The following XKR5 variants were observed in gnomAD, a reference collection of about 807,000 sequenced individuals.
The protein encoded by XKR5 is XK-related protein 5.
XKR5 carries 46 observed loss-of-function variants against 40.8 expected under a neutral mutation model. That is an observed-to-expected ratio of 1.13 (90% CI 0.89 to 1.44). The LOEUF (loss-of-function observed/expected upper bound fraction) is 1.44, where lower values mean the gene tolerates loss of function less well. XKR5 is among the 40% of genes most tolerant of loss of function. The probability of loss-of-function intolerance (pLI) is 0.00; values close to 1 mark genes in which losing one functional copy is unlikely to be tolerated. For missense variants in XKR5, 1,169 were observed against 844.7 expected, an observed-to-expected ratio of 1.38 and a Z score of -4.76; for synonymous variants, 466 against 356.1, an observed-to-expected ratio of 1.31 and a Z score of -3.48.
intron 2 of XKR5, among the ~76,000 whole-genome samples, chr8:6,832,154 A>G (rs1227825669): frequency 1.3e-5 from 2 of 152,166 alleles, no homozygotes; most frequent in Non-Finnish European, 2.9e-5. Context: ...CTCAAAGTAG[A>G]AAAAAATCAG....
intron 2 of XKR5, among the ~76,000 whole-genome samples, chr8:6,827,755 T>C (rs1230424974): frequency 2.0e-5 from 3 of 152,214 alleles, no homozygotes; most frequent in African/African-American, 4.8e-5. Flanking sequence ...CATGCATTTT[T>C]CTTGGGCTTT....
chr8:6,827,040 T>C (rs1804520122), intron 2 of XKR5, among the ~76,000 whole-genome samples: 1 of 152,152 alleles, frequency 6.6e-6, no homozygotes, highest in African/African-American at 2.4e-5. Flanking sequence ...AAACTTCATC[T>C]CATAAGTAGA....
chr8:6,823,494 G>C, intron 4 of XKR5, 27 bp downstream of exon 4: 1 of 1,561,072 alleles, frequency 6.4e-7, no homozygotes, highest in African/African-American at 1.4e-5. Flanking sequence ...TGCAGCAACA[G>C]ATGACCAGAT....
At position 6,815,833 on chromosome 8, in the gene XKR5, G is replaced by T. The variant is rs755535023; in HGVS notation, c.893C>A (p.Ala298Asp). 3.1e-6 allele frequency: 5 copies of T among 1,604,532 alleles called. No homozygotes were observed. The highest frequency in any genetic ancestry group is 2.6e-6 in the Non-Finnish European group (3 of 1,175,556). Reference protein sequence around the residue: ...GASWTSLQTIAGVLSGFLIGS... With the variant: ...GASWTSLQTIDGVLSGFLIGS... ...AATCAGAAATCCAGACAGGACCCCA[G>T]CTATGGTCTGCAGGCTGGTCCACGA... The change falls in exon 6 of 7, where the codon GCT becomes GAT. Residue 298 changes from alanine (A) to aspartate (D), a missense_variant. Coordinates refer to ENST00000618742, the MANE Select transcript of XKR5 (RefSeq NM_207411.5).
rs1055788077 is a variant in XKR5 at position 6,810,835 on chromosome 8, A to G, written c.*363T>C. On this transcript the variant is annotated 3_prime_UTR_variant, in exon 7 of 7. Coordinates refer to ENST00000618742, the MANE Select transcript of XKR5 (RefSeq NM_207411.5). ...GTGAGGCAAAGCTAATTGTAACAAG[A>G]ACCTCAAATAAAATAGGAATCTGGG... 1.7e-5 allele frequency: 3 copies of G among 178,082 alleles called. No homozygotes were observed. Among genetic ancestry groups the G allele is most frequent in the Admixed American group, 5.6e-5 (1 of 17,848 alleles). 11.0% of individuals were successfully genotyped at this position (178,082 alleles called of 1,614,324 possible).
At position 6,811,250 on chromosome 8, in the gene XKR5, G is replaced by C. The variant is rs199564753; in HGVS notation, c.2009C>G (p.Thr670Arg). 6.5e-7 allele frequency: 1 copy of C among 1,537,172 alleles called. No homozygotes were observed. The highest frequency in any genetic ancestry group is 1.4e-5 in the African/African-American group (1 of 73,038). Residue 670 changes from threonine (T) to arginine (R), a missense_variant, in exon 7 of 7, where the codon ACG becomes AGG. By Grantham distance (71) the Thr-to-Arg change is moderately conservative. Transcript: ENST00000618742. ...TSTPKSESIQ[T>R]DCSCREQMKQ... ...CATCTGTTCCCTGCAGCTGCAGTCC[G>C]TTTGGATAGACTCAGACTTAGGGGT...
chr8:6,825,558 C>T (rs943875885), intron 2 of XKR5, among the ~76,000 whole-genome samples: 1 of 151,516 alleles, frequency 6.6e-6, no homozygotes, highest in African/African-American at 2.4e-5. Flanking sequence ...TGGTGCTCAG[C>T]CAGGCCACAC....
Position 6,812,097 on chromosome 8 carries a change from C to T in XKR5, c.1162G>A (p.Gly388Arg), listed in dbSNP as rs903482450. Residue 388 changes from glycine (G) to arginine (R), a missense_variant, in exon 7 of 7, where the codon GGG (glycine) becomes AGG (arginine). Coordinates refer to ENST00000618742, the MANE Select transcript of XKR5 (RefSeq NM_207411.5). Reference sequence around the variant, plus strand: ...TCCACAGCAACCTGGGTCCCCAGCCCAGCCTCTGGGGGGACCTGCTCAGGG... The same window carrying T: ...TCCACAGCAACCTGGGTCCCCAGCCTAGCCTCTGGGGGGACCTGCTCAGGG... ...PTPEQVPPEA[G>R]LGTQVAVEDS... is the part of the protein sequence containing the mutation. 1 of 1,544,866 alleles carries T rather than the reference C, an allele frequency of 6.5e-7. No individual in the cohort carries two copies. Among genetic ancestry groups the T allele is most frequent in the Non-Finnish European group, 8.7e-7 (1 of 1,146,970 alleles).
At chr8:6,829,729 C>G (rs1804671000) in intron 2 of XKR5, among the ~76,000 whole-genome samples, 2 of 149,480 alleles carry the variant, frequency 1.3e-5, no homozygotes, top group African/African-American at 4.9e-5. Context: ...GTTGGCCAGG[C>G]TGGTTTAGAA....
chr8:6,813,342 C>G (rs1803821315), intron 6 of XKR5, among the ~76,000 whole-genome samples: 1 of 152,184 alleles, frequency 6.6e-6, no homozygotes, highest in Non-Finnish European at 1.5e-5. Flanking sequence ...CATATTGTCA[C>G]CCTTCTTTTA....
intron 6 of XKR5, among the ~76,000 whole-genome samples, chr8:6,815,263 CCATGCATT>C (rs1803904868): frequency 6.6e-6 from 1 of 152,168 alleles, no homozygotes; most frequent in Non-Finnish European, 1.5e-5. Context: ...GACCTTGGGG[CCATGCATT>C]CATAAAACAC....
chr8:6,818,224 C>T (rs1031296843), intron 5 of XKR5, among the ~76,000 whole-genome samples: 2 of 152,198 alleles, frequency 1.3e-5, no homozygotes, highest in South Asian at 2.1e-4. Flanking sequence ...CCATTACTTC[C>T]GCAGCTTTGC....
At chr8:6,813,996 A>C (rs1435140703) in intron 6 of XKR5, among the ~76,000 whole-genome samples, 1 of 152,236 alleles carries the variant, frequency 6.6e-6, no homozygotes, top group African/African-American at 2.4e-5. Context: ...TGGAAAATCC[A>C]GATGAGTTGT....
At chr8:6,834,907 C>A (rs1230022661) in intron 1 of XKR5, among the ~76,000 whole-genome samples, 3 of 152,206 alleles carry the variant, frequency 2.0e-5, no homozygotes, top group Non-Finnish European at 4.4e-5. Flanking sequence ...AGTCGCCGTC[C>A]TACAGGGCCG....
At position 6,812,225 on chromosome 8, in the gene XKR5, C is replaced by A; in HGVS notation, c.1034G>T (p.Arg345Ile). 6.4e-7 allele frequency: 1 copy of A among 1,552,092 alleles called. No individual in the cohort carries two copies. Among genetic ancestry groups the A allele is most frequent in the East Asian group, 2.4e-5 (1 of 40,964 alleles). ...TAGATCTGTGGCCCGGGGAGAATCT[C>A]TTCTCTCTGTTTTATCACCTCCTGC... ...GIAGGDKTER[R>I]DSPRATDLAG... The change falls in exon 7 of 7, where the codon AGA becomes ATA. Residue 345 changes from arginine to isoleucine, a missense_variant. Physicochemically the swap from Arg to Ile is moderately conservative, Grantham distance 97 (BLOSUM62 -3). Coordinates refer to ENST00000618742, the MANE Select transcript of XKR5 (RefSeq NM_207411.5).
chr8:6,821,816 C>T (rs1387182229), intron 5 of XKR5, 53 bp downstream of exon 5: 2 of 1,543,794 alleles, frequency 1.3e-6, no homozygotes, highest in Non-Finnish European at 1.8e-6. Context: ...CCCACACACA[C>T]CCCACTTGCT....
At chr8:6,829,005 C>G (rs886908486) in intron 2 of XKR5, among the ~76,000 whole-genome samples, 2 of 152,186 alleles carry the variant, frequency 1.3e-5, no homozygotes, top group African/African-American at 2.4e-5. Flanking sequence ...CTTGCTGTGT[C>G]GGAAACGCCT....
In XKR5 at chr8:6,823,545, G is replaced by T. The variant is rs764273090; in HGVS notation, c.613C>A (p.His205Asn). The change falls in exon 4 of 7, where the codon CAC becomes AAC. Residue 205 changes from histidine (H) to asparagine (N), a missense_variant. Coordinates refer to ENST00000618742, the MANE Select transcript of XKR5 (RefSeq NM_207411.5). ...LSLVLFYKAY[H>N]FWVFVVAGAH... ...CCTGCAACCACAAAAACCCAAAAGT[G>T]GTAGGCTTTGTAGAACAGAACCAGA... is the stretch of plus-strand genomic sequence containing the variant. 2 of 1,592,086 alleles carry T rather than the reference G, an allele frequency of 1.3e-6. No homozygotes were observed. The highest frequency in any genetic ancestry group is 2.3e-5 in the South Asian group (2 of 87,158).
intron 2 of XKR5, among the ~76,000 whole-genome samples, chr8:6,829,965 G>C (rs927375173): frequency 1.3e-5 from 2 of 148,616 alleles, no homozygotes; most frequent in Non-Finnish European, 3.0e-5. Flanking sequence ...AGCCTCCCAA[G>C]TAGCTGGGAC....
Sources: allele counts gnomAD v4.1 joint callset (sites outside exome capture counted in the v4.1 genomes callset), GRCh38; gene constraint gnomAD v4.1.1; transcripts MANE v1.5; gene names NCBI Gene and HGNC (gene_info 2026-07-23, HGNC 2026-07-21).